IRF1: variants seen among roughly 807,000 people sequenced by gnomAD.
IRF1 encodes the protein interferon regulatory factor 1, also known as interferon regulatory factor-1.
In IRF1, 13 loss-of-function variants were observed where a neutral mutation model predicts 43.7. The observed-to-expected ratio is 0.30, with a 90% confidence interval of 0.19 to 0.47. The LOEUF is 0.47. IRF1 is among the 20% of genes least tolerant of loss of function. IRF1 has a pLI of 0.99. For synonymous variants in IRF1, 138 were observed against 146.8 expected, an observed-to-expected ratio of 0.94 and a Z score of 0.43; for missense variants, 236 against 408.9, an observed-to-expected ratio of 0.58 and a Z score of 3.65.
intron 1 of IRF1, 130 bp from the exon 2 acceptor site, chr5:132,489,613 C>T (rs1754646404): frequency 1.5e-6 from 1 of 653,708 alleles, no homozygotes; most frequent in Non-Finnish European, 2.7e-6. Flanking sequence ...ACACTCAGTG[C>T]GGAGGGGAGC....
At chr5:132,484,681 G>C in intron 8 of IRF1, 184 bp from the exon 9 acceptor site, 1 of 653,358 alleles carries the variant, frequency 1.5e-6, no homozygotes, top group Non-Finnish European at 2.6e-6. Flanking sequence ...AGGCAGAAAT[G>C]CATGTTGGCA....
intron 6 of IRF1, 60 bp from the exon 7 acceptor site, chr5:132,486,433 G>A (rs767236435): frequency 9.9e-6 from 16 of 1,609,460 alleles, no homozygotes; most frequent in South Asian, 8.8e-5. Flanking sequence ...GCAAGACATC[G>A]AGCGCCCTCC....
intron 2 of IRF1, 142 bp from the exon 3 acceptor site, chr5:132,488,167 G>A: frequency 3.2e-6 from 2 of 629,130 alleles, no homozygotes; most frequent in Admixed American, 4.7e-5. Flanking sequence ...CATCTGGCTT[G>A]GACACCCATC....
rs138606864 is a variant in IRF1, at chr5:132,486,609, G to A, written c.492C>T (p.Tyr164=). The A allele has an allele frequency of 1.2e-6, 2 of 1,614,202 alleles. No homozygotes were observed. Among genetic ancestry groups the A allele is most frequent in the East Asian group, 2.2e-5 (1 of 44,888 alleles). The part of the protein sequence containing the change: ...SSTLPDDHSS[Y]TVPGYMQDLE... Reference sequence around the variant, plus strand: ...AGTCCTGCATGTAGCCTGGAACTGTGTAGCTGCTGTGGTCATCAGGCAGAG... The same window carrying A: ...AGTCCTGCATGTAGCCTGGAACTGTATAGCTGCTGTGGTCATCAGGCAGAG... Residue 164 remains tyrosine (Y), a synonymous_variant, in exon 6 of 10, where the codon TAC becomes TAT. Transcript: ENST00000245414.
rs750102933 is a variant in IRF1, at chr5:132,487,044, C to G, written c.274G>C (p.Glu92Gln). The G allele has an allele frequency of 2.5e-6, 4 of 1,614,202 alleles. No individual in the cohort carries two copies. Among genetic ancestry groups the G allele is most frequent in the Non-Finnish European group, 3.4e-6 (4 of 1,180,030 alleles). ...TTCCTGCTCTGGTCTTTCACCTCCT[C>G]GATATCTGGCAGGGAGTTCATGGCA... Reference protein sequence around the residue: ...RCAMNSLPDIEEVKDQSRNKG... With the variant: ...RCAMNSLPDIQEVKDQSRNKG... Residue 92 changes from glutamate to glutamine, a missense_variant, in exon 4 of 10, where the codon GAG becomes CAG. Coordinates refer to ENST00000245414, the MANE Select transcript of IRF1 (RefSeq NM_002198.3).
At chr5:132,487,816 C>T in intron 3 of IRF1, 110 bp downstream of exon 3, 2 of 687,718 alleles carry the variant, frequency 2.9e-6, no homozygotes, top group South Asian at 3.2e-5. Context: ...AGTAATTCTG[C>T]ATGTTGTCTC....
In IRF1 at chr5:132,484,350, G is replaced by A. The variant is rs771379701; in HGVS notation, c.853+12C>T. The A allele has an allele frequency of 6.2e-7, 1 of 1,613,788 alleles. No homozygotes were observed. The highest frequency in any genetic ancestry group is 8.5e-7 in the Non-Finnish European group (1 of 1,179,814). Reference sequence around the variant, plus strand: ...TCATCTAAGAAGCCATAAGGATCCAGGGCCTTCTTACCCCCTGGGCTGTCA... The same window carrying A: ...TCATCTAAGAAGCCATAAGGATCCAAGGCCTTCTTACCCCCTGGGCTGTCA... On this transcript the variant is annotated intron_variant, in intron 9 of 9. Transcript: ENST00000245414.
In IRF1 at chr5:132,490,753, G is replaced by C. The variant is rs1434922293; in HGVS notation, c.-214C>G. 6.6e-6 allele frequency: 1 copy of C among 152,240 alleles called. No individual in the cohort carries two copies. Among genetic ancestry groups the C allele is most frequent in the Non-Finnish European group, 1.5e-5 (1 of 68,074 alleles). 9.4% of individuals were successfully genotyped at this position (152,240 alleles called of 1,614,324 possible). A position where few individuals can be genotyped will look rare whatever the true frequency, so the allele number is the denominator to read the frequency against. ...GGGGCTCGGGCGCACGTCTTGCCTC[G>C]ACTAAGGAGTGGCGAGCTCTGCCAG... On this transcript the variant is annotated 5_prime_UTR_variant, in exon 1 of 10. Transcript: ENST00000245414. The surrounding 1 kb of genome is among the most constrained non-coding windows in gnomAD (Gnocchi z 5.8).
chr5:132,489,487 T>TA lies in IRF1; in HGVS notation c.-5-5dup. 1 of 1,612,172 alleles carries TA rather than the reference T, an allele frequency of 6.2e-7. No homozygotes were observed. Among genetic ancestry groups the TA allele is most frequent in the Non-Finnish European group, 8.5e-7 (1 of 1,178,340 alleles). Reference sequence around the variant, plus strand: ...ATCCGAGTGATGGGCATGTTGGCTGTAAAGAGAACACAGAGGCTCCAGTCT... The same window carrying TA: ...ATCCGAGTGATGGGCATGTTGGCTGTAAAAGAGAACACAGAGGCTCCAGTCT... On this transcript the variant is annotated splice_polypyrimidine_tract_variant and splice_region_variant and intron_variant, in intron 1 of 9. Coordinates refer to ENST00000245414, the MANE Select transcript of IRF1 (RefSeq NM_002198.3).
Position 132,486,630 on chromosome 5 carries a change from C to T in IRF1, c.471G>A (p.Leu157=), listed in dbSNP as rs990327492. ...TFSDGLSSST[L]PDDHSSYTVP... ...CTGTGTAGCTGCTGTGGTCATCAGGCAGAGTGGAGCTGCTGAGTCCATCAG... is the reference window on the plus strand; with the variant it reads ...CTGTGTAGCTGCTGTGGTCATCAGGTAGAGTGGAGCTGCTGAGTCCATCAG... Residue 157 remains leucine (L), a synonymous_variant, in exon 6 of 10, where the codon CTG becomes CTA. Transcript: ENST00000245414. 1 of 1,614,072 alleles carries T rather than the reference C, an allele frequency of 6.2e-7. No homozygotes were observed. Among genetic ancestry groups the T allele is most frequent in the African/African-American group, 1.3e-5 (1 of 74,934 alleles).
intron 3 of IRF1, 37 bp downstream of exon 3, chr5:132,487,889 A>C (rs758776198): frequency 6.8e-7 from 1 of 1,478,288 alleles, no homozygotes; most frequent in Admixed American, 1.7e-5. Context: ...TCTTGTCTCT[A>C]CCCTGGGCTT....
At chr5:132,486,527 G>A (rs767744881) in intron 6 of IRF1, 30 bp downstream of exon 6, 1 of 1,613,626 alleles carries the variant, frequency 6.2e-7, no homozygotes, top group Admixed American at 1.7e-5. Context: ...CTGACCTGTG[G>A]GGTCTCCTGC....
chr5:132,487,915 C>T lies in IRF1; in HGVS notation c.187+11G>A, dbSNP rs1754584248. ...CCCTGGGCTTCCTAGGCCTGAGTCC[C>T]AGGCACACACCTGTGTGAATGGCCC... On this transcript the variant is annotated intron_variant, in intron 3 of 9. Coordinates refer to ENST00000245414, the MANE Select transcript of IRF1 (RefSeq NM_002198.3). 2 of 1,607,530 alleles carry T rather than the reference C, an allele frequency of 1.2e-6. No individual in the cohort carries two copies. Among genetic ancestry groups the T allele is most frequent in the Non-Finnish European group, 1.7e-6 (2 of 1,174,440 alleles).
Position 132,483,981 on chromosome 5 carries a change from G to A in IRF1, c.948C>T (p.Pro316=). 6.2e-7 allele frequency: 1 copy of A among 1,613,714 alleles called. No individual in the cohort carries two copies. The highest frequency in any genetic ancestry group is 8.5e-7 in the Non-Finnish European group (1 of 1,179,996). Residue 316 remains proline, a synonymous_variant, in exon 10 of 10, where the codon CCC becomes CCT. Transcript: ENST00000245414. ...GTGCACAGGGAATGGCCTGGATGGA[G>A]GGCAACCGGACTGGGGTCAGCAGGC... ...LDSLLTPVRL[P]SIQAIPCAP
Position 132,481,818 on chromosome 5 carries a change from G to A in IRF1, c.*2133C>T, listed in dbSNP as rs1157146240. 1 of 152,370 alleles carries A rather than the reference G, an allele frequency of 6.6e-6. No homozygotes were observed. Among genetic ancestry groups the A allele is most frequent in the Non-Finnish European group, 1.5e-5 (1 of 68,058 alleles). 9.4% of individuals were successfully genotyped at this position (152,370 alleles called of 1,614,324 possible). On this transcript the variant is annotated 3_prime_UTR_variant, in exon 10 of 10. Coordinates refer to ENST00000245414, the MANE Select transcript of IRF1 (RefSeq NM_002198.3). Reference sequence around the variant, plus strand: ...GAGGACCTTTCTTGGGCTGCTGACTGTTCTGTCTGTGACTGTGTCATATCA... The same window carrying A: ...GAGGACCTTTCTTGGGCTGCTGACTATTCTGTCTGTGACTGTGTCATATCA...
intron 7 of IRF1, chr5:132,485,946 CCTACCCTA>C (rs1754513928): frequency 1.7e-6 from 1 of 577,390 alleles, no homozygotes; most frequent in East Asian, 2.8e-5. Context: ...GCTTCCCACC[CCTACCCTA>C]CTTCCTTCCT....
chr5:132,483,817 GC>G lies in IRF1; in HGVS notation c.*133del. The stretch of plus-strand genomic sequence containing the variant: ...AGAGGTCAATGACCCAAGGAGGGAG[GC>G]CCCATCCCCACTTGGCAGTGGGGTC... On this transcript the variant is annotated 3_prime_UTR_variant, in exon 10 of 10. Transcript: ENST00000245414. The G allele has an allele frequency of 1.8e-6, 2 of 1,129,162 alleles. No homozygotes were observed. 69.9% of individuals were successfully genotyped at this position (1,129,162 alleles called of 1,614,324 possible).
intron 6 of IRF1, 60 bp downstream of exon 6, chr5:132,486,497 C>T (rs1438188965): frequency 1.9e-6 from 3 of 1,612,800 alleles, no homozygotes; most frequent in African/African-American, 2.7e-5. Context: ...ACCATGCCTC[C>T]AAGAGAAAGA....
At chr5:132,487,666 T>C in intron 3 of IRF1, 1 of 514,500 alleles carries the variant, frequency 1.9e-6, no homozygotes, top group Non-Finnish European at 3.5e-6. Context: ...CAGATGCTTT[T>C]GCCAGGGAGA....
Sources: gnomAD v4.1 joint callset for allele counts on GRCh38, gnomAD v4.1.1 for gene constraint, Gnocchi (gnomAD v3.1) non-coding constraint, MANE v1.5 for transcripts, NCBI Gene and HGNC (gene_info 2026-07-23, HGNC 2026-07-21) for gene names.